Variants in TRPV2 observed in about 807,000 individuals in gnomAD.
TRPV2 encodes OTRPC2.
Under a neutral mutation model 91.0 loss-of-function variants are expected in TRPV2, and 58 were observed. The observed-to-expected ratio is 0.64, with a 90% CI of 0.52 to 0.79. The LOEUF (loss-of-function observed/expected upper bound fraction) is 0.79, where lower values mean the gene tolerates loss of function less well. Among genes scored for constraint, TRPV2 ranks in the 30% least tolerant of loss-of-function variants. TRPV2 has a pLI of 0.00. For missense variants in TRPV2, 807 were observed against 969.6 expected (o/e 0.83, Z 2.23); for synonymous variants, 417 against 414.8 (o/e 1.01, Z -0.06).
chr17:16,420,457 C>T (rs2093351633), intron 3 of TRPV2, among the ~76,000 whole-genome samples: 1 of 152,226 alleles, frequency 6.6e-6, no homozygotes, highest in Non-Finnish European at 1.5e-5. Context: ...CCACCCACCC[C>T]TCAGGCCTCC....
Position 16,420,167 on chromosome 17 carries a change from CG to C in TRPV2, c.257del (p.Gly86ValfsTer13). On this transcript the variant is annotated frameshift_variant, in exon 3 of 15. Coordinates refer to ENST00000338560, the MANE Select transcript of TRPV2 (RefSeq NM_016113.5). LOFTEE classifies it high-confidence loss of function. The part of the protein sequence containing the change: ...DRDRLFNAVS[R>X]GVPEDLAGLP... ...AGATCGGCTCTTCAATGCGGTCTCC[CG>C]GGGTGTCCCCGAGGATCTGGCTGGA... 1 of 1,614,158 alleles carries C rather than the reference CG, an allele frequency of 6.2e-7. No individual in the cohort carries two copies.
Position 16,431,860 on chromosome 17 carries a change from C to T in TRPV2, c.1654+10C>T, listed in dbSNP as rs922957582. The T allele has an allele frequency of 5.0e-6, 8 of 1,613,874 alleles. No homozygotes were observed. In the Admixed American group the frequency reaches 8.3e-5, roughly 17 times the overall value. ...TTCGGCTTCGCTGTAGGTAAAGGCT[C>T]CCTCCGGCCCCCTCCCCCTTCCCCA... On this transcript the variant is annotated intron_variant, in intron 11 of 14. Transcript: ENST00000338560.
Position 16,426,200 on chromosome 17 carries a change from C to G in TRPV2, c.1026C>G (p.Asp342Glu), listed in dbSNP as rs2093382306. The G allele has an allele frequency of 6.2e-7, 1 of 1,614,194 alleles. No individual in the cohort carries two copies. Among genetic ancestry groups the G allele is most frequent in the Non-Finnish European group, 8.5e-7 (1 of 1,180,048 alleles). The change falls in exon 6 of 15, where the codon GAC becomes GAG. Residue 342 changes from aspartate to glutamate, a missense_variant. Transcript: ENST00000338560. This position sits in a 1 kb window ranked among gnomAD's most constrained non-coding sequence, Gnocchi z 6.0. ...CYGPVRVSLY[D>E]LASVDSCEEN... is the part of the protein sequence containing the mutation. Reference sequence around the variant, plus strand: ...GGCCTGTCCGGGTGTCGCTGTATGACCTGGCTTCTGTGGACAGCTGTGAGG... The same window carrying G: ...GGCCTGTCCGGGTGTCGCTGTATGAGCTGGCTTCTGTGGACAGCTGTGAGG...
At chr17:16,424,194 G>A (rs139075789) in intron 5 of TRPV2, among the ~76,000 whole-genome samples, 50 of 143,162 alleles carry the variant, frequency 3.5e-4, no homozygotes, top group African/African-American at 1.3e-3. Context: ...CCCTCGCTCT[G>A]TCACCCAGGC....
At chr17:16,421,748 G>A (rs182982620) in intron 3 of TRPV2, among the ~76,000 whole-genome samples, 166 of 150,478 alleles carry the variant, frequency 1.1e-3, no homozygotes, top group Non-Finnish European at 1.8e-3. Flanking sequence ...TCTGGAACTC[G>A]ACCTCGTGAT....
At chr17:16,427,842 C>A (rs1010486792) in intron 8 of TRPV2, among the ~76,000 whole-genome samples, 1 of 152,170 alleles carries the variant, frequency 6.6e-6, no homozygotes, top group East Asian at 1.9e-4. Flanking sequence ...CCAGGCCCCT[C>A]GGCTGGGAAG....
At chr17:16,422,934 G>A (rs1436885077) in intron 4 of TRPV2, 45 bp downstream of exon 4, 3 of 1,537,596 alleles carry the variant, frequency 2.0e-6, no homozygotes, top group Non-Finnish European at 2.6e-6. Flanking sequence ...GAGAGAGTAA[G>A]GCCTGGTTCA....
chr17:16,425,520 A>G (rs887077167), intron 5 of TRPV2, among the ~76,000 whole-genome samples: 2 of 152,182 alleles, frequency 1.3e-5, no homozygotes, highest in Non-Finnish European at 2.9e-5. Flanking sequence ...GAAACGATAA[A>G]CATAAATAGA....
Position 16,419,978 on chromosome 17 carries a change from G to A in TRPV2, c.201-137G>A. The stretch of plus-strand genomic sequence containing the variant: ...TCTAGGAGGATAGAGGCCCTCAGAA[G>A]GGCTCTCACTGGGCTCCTGGGCCTG... On this transcript the variant is annotated intron_variant, in intron 2 of 14. Transcript: ENST00000338560. 2.3e-6 allele frequency: 3 copies of A among 1,277,262 alleles called. No individual in the cohort carries two copies. The South Asian group carries it at 4.8e-5, about 20-fold the overall frequency. 79.1% of individuals were successfully genotyped at this position (1,277,262 alleles called of 1,614,324 possible). A position where few individuals can be genotyped will look rare whatever the true frequency, so the allele number is the denominator to read the frequency against.
rs1304221475 is a variant in TRPV2 at position 16,435,236 on chromosome 17, T to C, written c.2194+267T>C. Among the ~76,000 whole-genome samples, 9 of 152,258 alleles carry C rather than the reference T, an allele frequency of 5.9e-5. No homozygotes were observed. In the East Asian group the frequency reaches 1.7e-3, roughly 29 times the overall value. On this transcript the variant is annotated intron_variant, in intron 14 of 14. Coordinates refer to ENST00000338560, the MANE Select transcript of TRPV2 (RefSeq NM_016113.5). The surrounding 1 kb of genome is among the most constrained non-coding windows in gnomAD (Gnocchi z 4.2). ...CCACCAGCCCAGCCTCTGGCTGCCC[T>C]CTCTCTGATGCCAGTCAGTCACACC...
chr17:16,428,048 C>A (rs1236566126), intron 8 of TRPV2, among the ~76,000 whole-genome samples: 1 of 152,106 alleles, frequency 6.6e-6, no homozygotes, highest in Non-Finnish European at 1.5e-5. Flanking sequence ...CCTGTGAGGC[C>A]AGGGAGAAGG....
chr17:16,436,267 G>C (rs886657556), intron 14 of TRPV2, among the ~76,000 whole-genome samples: 3 of 152,132 alleles, frequency 2.0e-5, no homozygotes, highest in African/African-American at 2.4e-5. Flanking sequence ...TGCAGCCCAC[G>C]CTACACAATG....
chr17:16,422,605 C>G lies in TRPV2; in HGVS notation c.341C>G (p.Ser114Cys), dbSNP rs1202002233. 1 of 1,613,010 alleles carries G rather than the reference C, an allele frequency of 6.2e-7. No homozygotes were observed. Among genetic ancestry groups the G allele is most frequent in the African/African-American group, 1.3e-5 (1 of 74,916 alleles). ...YLTDSEYTEG[S>C]TGKTCLMKAV... ...CCCTCCCTTCTTCCCACAGAGGGCTCCACAGGTAAGACGTGCCTGATGAAG... is the reference window on the plus strand; with the variant it reads ...CCCTCCCTTCTTCCCACAGAGGGCTGCACAGGTAAGACGTGCCTGATGAAG... The change falls in exon 4 of 15, where the codon TCC becomes TGC. Residue 114 changes from serine (S) to cysteine (C), a missense_variant. Physicochemically the swap from Ser to Cys is moderately radical, Grantham distance 112. Coordinates refer to ENST00000338560, the MANE Select transcript of TRPV2 (RefSeq NM_016113.5).
intron 3 of TRPV2, 53 bp from the exon 4 acceptor site, chr17:16,422,546 G>T (rs1349590857): frequency 1.3e-6 from 2 of 1,571,820 alleles, no homozygotes; most frequent in East Asian, 4.5e-5. Context: ...GGGCAGCCCA[G>T]CCACTCCAGG....
In TRPV2 at chr17:16,417,783, A is replaced by T. The variant is rs372598658; in HGVS notation, c.115A>T (p.Met39Leu). ...KLDFGSGLPP[M>L]ESQFQGEDRK... ...GGATTTTGGGAGCGGGCTGCCTCCC[A>T]TGGAGTCACAGTTCCAGGGCGAGGA... The change falls in exon 2 of 15, where the codon ATG (methionine) becomes TTG (leucine). Residue 39 changes from methionine to leucine, a missense_variant. Physicochemically the swap from Met to Leu is conservative, Grantham distance 15. Transcript: ENST00000338560. The T allele has an allele frequency of 3.7e-6, 6 of 1,614,212 alleles. No individual in the cohort carries two copies. In the African/African-American group the frequency reaches 8.0e-5, roughly 22 times the overall value.
intron 10 of TRPV2, among the ~76,000 whole-genome samples, chr17:16,430,637 C>A (rs1250536689): frequency 6.6e-6 from 1 of 152,122 alleles, no homozygotes; most frequent in Non-Finnish European, 1.5e-5. Flanking sequence ...AGGCATGTGT[C>A]ACCACATCCG....
At chr17:16,423,388 G>A (rs1568909203) in intron 4 of TRPV2, 81 bp from the exon 5 acceptor site, 3 of 1,470,492 alleles carry the variant, frequency 2.0e-6, no homozygotes, top group East Asian at 4.6e-5. Context: ...AAGGAGGGCT[G>A]GCCTTTTGTC....
At chr17:16,432,438 C>CTT in intron 12 of TRPV2, 138 bp downstream of exon 12, 2 of 592,380 alleles carry the variant, frequency 3.4e-6, no homozygotes, top group Non-Finnish European at 5.5e-6. Flanking sequence ...TCTTCCTCTT[C>CTT]CTTTTTTTTT....
rs373078008 is a variant in TRPV2, at chr17:16,423,711, C to T, written c.868C>T (p.Arg290Cys). The change falls in exon 5 of 15, where the codon CGC becomes TGC. Residue 290 changes from arginine (R) to cysteine (C), a missense_variant. Coordinates refer to ENST00000338560, the MANE Select transcript of TRPV2 (RefSeq NM_016113.5). ...CCCTACCGTGCAGCTTGAGGACATC[C>T]GCAACCTGCAGGATCTCACGCCTCT... ...LCPTVQLEDIRNLQDLTPLKL... is the reference protein window; with the variant it reads ...LCPTVQLEDICNLQDLTPLKL... The T allele has an allele frequency of 2.5e-5, 40 of 1,610,978 alleles. No homozygotes were observed. Among genetic ancestry groups the T allele is most frequent in the East Asian group, 4.5e-5 (2 of 44,818 alleles).
Sources: allele counts gnomAD v4.1 joint callset (sites outside exome capture counted in the v4.1 genomes callset), GRCh38; gene constraint gnomAD v4.1.1; non-coding constraint Gnocchi (gnomAD v3.1); transcripts MANE v1.5; gene names NCBI Gene and HGNC (gene_info 2026-07-23, HGNC 2026-07-21).